Variants in HERC1 observed in about 807,000 individuals in gnomAD.
HERC1 encodes the protein probable E3 ubiquitin-protein ligase HERC1.
HERC1 carries 160 observed loss-of-function variants against 554.3 expected under a neutral mutation model. The ratio of observed to expected loss-of-function variants is 0.29; its 90% CI spans 0.25 to 0.33. The LOEUF is 0.33. HERC1 is among the 10% of genes least tolerant of loss of function. The pLI, the probability that HERC1 is intolerant of heterozygous loss-of-function variation, is 1.00. For synonymous variants in HERC1, 2,175 were observed against 2,131.7 expected, an observed-to-expected ratio of 1.02 and a Z score of -0.56; for missense variants, 4,919 against 5,918.5, an observed-to-expected ratio of 0.83 and a Z score of 5.54.
At chr15:63,696,026 T>A (rs2153056985) in intron 27 of HERC1, 98 bp downstream of exon 27, 4 of 891,064 alleles carry the variant, frequency 4.5e-6, no homozygotes, top group Middle Eastern at 3.4e-4. Context: ...GTCTTTGTAT[T>A]TTTAAACTGA....
Position 63,664,511 on chromosome 15 carries a change from T to A in HERC1, c.8639A>T (p.His2880Leu). ...TGTGCGAGCAGCTAAGTCAAACTTG[T>A]GTCTTCTTGTTACCGCTGAGCGACC... Reference protein sequence around the residue: ...ARGRSAVTRRHKFDLAARTLL... With the variant: ...ARGRSAVTRRLKFDLAARTLL... Residue 2880 changes from histidine to leucine, a missense_variant, in exon 43 of 78, where the codon CAC (histidine) becomes CTC (leucine). His to Leu is a moderately conservative substitution (Grantham distance 99). Transcript: ENST00000443617. 2 of 1,613,740 alleles carry A rather than the reference T, an allele frequency of 1.2e-6. No homozygotes were observed. The highest frequency in any genetic ancestry group is 1.1e-5 in the South Asian group (1 of 91,040).
At chr15:63,755,576 C>T (rs562189176) in intron 5 of HERC1, among the ~76,000 whole-genome samples, 1 of 152,010 alleles carries the variant, frequency 6.6e-6, no homozygotes, top group Admixed American at 6.6e-5. Flanking sequence ...CTCAGGAGTT[C>T]GAGTTCAGCC....
At position 63,795,065 on chromosome 15, in the gene HERC1, CAAAAAAAAAAAAA is replaced by C. The variant is rs1177647525; in HGVS notation, c.-26-19429_-26-19417del. Among the ~76,000 whole-genome samples, 4 of 68,970 alleles carry C rather than the reference CAAAAAAAAAAAAA, an allele frequency of 5.8e-5. No homozygotes were observed. The Admixed American group carries it at 7.8e-4, about 13-fold the overall frequency. The allele number at this position is 68,970 out of a possible 152,430, so 45.2% of individuals were successfully genotyped here. ...CGGGCAACAGAGCAAGACTCTGTCTCAAAAAAAAAAAAAAAAAAAAAAGTAAAGGAATAATCAT... is the reference window on the plus strand; with the variant it reads ...CGGGCAACAGAGCAAGACTCTGTCTCAAAAAAAAAGTAAAGGAATAATCAT... On this transcript the variant is annotated intron_variant, in intron 1 of 77. Coordinates refer to ENST00000443617, the MANE Select transcript of HERC1 (RefSeq NM_003922.4).
Position 63,821,726 on chromosome 15 carries a change from CAAAAAAAAAAA to C in HERC1, c.-27+12090_-27+12100del, listed in dbSNP as rs35074987. 1.3e-3 allele frequency among the ~76,000 whole-genome samples: 84 copies of C among 62,480 alleles called. No individual in the cohort carries two copies. The Admixed American group carries it at 0.016, about 12-fold the overall frequency. 41.0% of individuals were successfully genotyped at this position (62,480 alleles called of 152,430 possible). A position where few individuals can be genotyped will look rare whatever the true frequency, so the allele number is the denominator to read the frequency against. On this transcript the variant is annotated intron_variant, in intron 1 of 77. Transcript: ENST00000443617. The stretch of plus-strand genomic sequence containing the variant: ...TGGGAGACAGAGTGATACCCTGTCT[CAAAAAAAAAAA>C]AAAAAAAAAAAAATCAGATAATCTA...
At chr15:63,821,671 G>T (rs1290095134) in intron 1 of HERC1, among the ~76,000 whole-genome samples, 1 of 139,680 alleles carries the variant, frequency 7.2e-6, no homozygotes, top group Non-Finnish European at 1.5e-5. Flanking sequence ...AGGCTGTAAT[G>T]AGCCATGATC....
At position 63,694,212 on chromosome 15, in the gene HERC1, G is replaced by A. The variant is rs779139634; in HGVS notation, c.5481-55C>T. 2.6e-5 allele frequency: 41 copies of A among 1,564,108 alleles called. No individual in the cohort carries two copies. Among genetic ancestry groups the A allele is most frequent in the Non-Finnish European group, 3.6e-5 (41 of 1,153,920 alleles). On this transcript the variant is annotated intron_variant, in intron 29 of 77. Coordinates refer to ENST00000443617, the MANE Select transcript of HERC1 (RefSeq NM_003922.4). The surrounding 1 kb of genome is among the most constrained non-coding windows in gnomAD (Gnocchi z 4.3). ...GCAAACACACAGAAGGGCAAGCATA[G>A]TGCTTAAATACATAAAGCAGATTAG...
chr15:63,632,606 C>G, intron 68 of HERC1, 103 bp downstream of exon 68: 1 of 768,364 alleles, frequency 1.3e-6, no homozygotes, highest in Non-Finnish European at 2.3e-6. Flanking sequence ...TACTCACCAC[C>G]TAGAACAAAA....
Position 63,677,152 on chromosome 15 carries a change from A to G in HERC1, c.7070+693T>C, listed in dbSNP as rs940324110. On this transcript the variant is annotated intron_variant, in intron 37 of 77. Transcript: ENST00000443617. The surrounding 1 kb of genome is among the most constrained non-coding windows in gnomAD (Gnocchi z 4.4). The stretch of plus-strand genomic sequence containing the variant: ...TTTTTGAGCACCAACATGATGCTCA[A>G]TGGAAATATTCATTGGAGCACTTTG... 6.6e-6 allele frequency among the ~76,000 whole-genome samples: 1 copy of G among 152,212 alleles called. No individual in the cohort carries two copies. Among genetic ancestry groups the G allele is most frequent in the Admixed American group, 6.5e-5 (1 of 15,280 alleles).
Position 63,632,801 on chromosome 15 carries a change from A to T in HERC1, c.12704T>A (p.Val4235Asp). The change falls in exon 68 of 78, where the codon GTC becomes GAC. Residue 4235 changes from valine (V) to aspartate (D), a missense_variant. By Grantham distance (152) the Val-to-Asp change is radical (BLOSUM62 -3). Around this residue, in one of 11 missense-constraint regions of HERC1, gnomAD observed 410 missense variants for 467.0 expected, o/e 0.88. Transcript: ENST00000443617. ...TAKSSPQKID[V>D]LCGIGIKKVA... ...CTTTTTTATTCCAATTCCACAAAGG[A>T]CGTCAATTTTCTACAAAATAAAAGT... 6.4e-7 allele frequency: 1 copy of T among 1,560,192 alleles called. No homozygotes were observed. The highest frequency in any genetic ancestry group is 8.7e-7 in the Non-Finnish European group (1 of 1,150,282).
intron 77 of HERC1, 74 bp from the exon 78 acceptor site, chr15:63,609,340 T>C (rs2067489240): frequency 1.6e-6 from 2 of 1,282,724 alleles, no homozygotes; most frequent in South Asian, 3.2e-5. Flanking sequence ...GCCCATGACC[T>C]CTCCCTGCCT....
intron 51 of HERC1, among the ~76,000 whole-genome samples, chr15:63,652,997 T>C (rs1595897857): frequency 1.3e-5 from 2 of 152,226 alleles, no homozygotes; most frequent in South Asian, 2.1e-4. Context: ...GCTATACTTA[T>C]TTGAAGTATA....
rs2075413017 is a variant in HERC1, at chr15:63,756,098, G to C, written c.1533+339C>G. 6.6e-6 allele frequency among the ~76,000 whole-genome samples: 1 copy of C among 152,120 alleles called. No individual in the cohort carries two copies. The highest frequency in any genetic ancestry group is 2.4e-5 in the African/African-American group (1 of 41,416). On this transcript the variant is annotated intron_variant, in intron 5 of 77. Transcript: ENST00000443617. This position sits in a 1 kb window ranked among gnomAD's most constrained non-coding sequence, Gnocchi z 5.0. The stretch of plus-strand genomic sequence containing the variant: ...TCCTGAAGACTAAAGGATTAAAGTA[G>C]AGACCTTATCTGTCTTGTTCACTGC...
chr15:63,718,760 G>A lies in HERC1; in HGVS notation c.3857+23C>T, dbSNP rs746071314. ...ACATCATGAGAGCAAATATTTGTCT[G>A]AGGATAGTTTTAAGTTACTTGCCGG... On this transcript the variant is annotated intron_variant, in intron 20 of 77. Coordinates refer to ENST00000443617, the MANE Select transcript of HERC1 (RefSeq NM_003922.4). The surrounding 1 kb of genome is among the most constrained non-coding windows in gnomAD (Gnocchi z 4.2). The A allele has an allele frequency of 1.9e-6, 3 of 1,606,122 alleles. No homozygotes were observed. Among genetic ancestry groups the A allele is most frequent in the Non-Finnish European group, 2.6e-6 (3 of 1,174,126 alleles).
At chr15:63,693,568 T>C (rs2072244983) in intron 30 of HERC1, among the ~76,000 whole-genome samples, 1 of 152,044 alleles carries the variant, frequency 6.6e-6, no homozygotes, top group South Asian at 2.1e-4. Flanking sequence ...GGTCAGGACT[T>C]AGGTTAGAGA....
chr15:63,621,553 T>C (rs1423253841), intron 74 of HERC1, among the ~76,000 whole-genome samples: 13 of 152,220 alleles, frequency 8.5e-5, no homozygotes, highest in Admixed American at 6.5e-5. Context: ...CTTGTTAGAC[T>C]GGGGAAGTTC....
At chr15:63,628,595 G>A in intron 70 of HERC1, 82 bp downstream of exon 70, 1 of 1,395,302 alleles carries the variant, frequency 7.2e-7, no homozygotes, top group Non-Finnish European at 9.6e-7. Flanking sequence ...GCTGGATACA[G>A]TTGGGAACTG....
chr15:63,630,764 T>C, intron 68 of HERC1, 129 bp from the exon 69 acceptor site: 2 of 828,328 alleles, frequency 2.4e-6, no homozygotes, highest in Non-Finnish European at 3.6e-6. Flanking sequence ...CAACTGAGGC[T>C]AAAGCTGCTA....
intron 51 of HERC1, 25 bp from the exon 52 acceptor site, chr15:63,652,566 TA>T: frequency 6.6e-7 from 1 of 1,524,252 alleles, no homozygotes; most frequent in Non-Finnish European, 8.9e-7. Flanking sequence ...ACAGGTAGTC[TA>T]ATAATTTTCT....
At chr15:63,618,559 TG>T (rs1363933482) in intron 74 of HERC1, among the ~76,000 whole-genome samples, 1 of 152,010 alleles carries the variant, frequency 6.6e-6, no homozygotes, top group Admixed American at 6.6e-5. Flanking sequence ...GGTAGCTTGA[TG>T]GGGATGGCAT....
Sources: gnomAD v4.1 joint callset for allele counts (sites outside exome capture counted in the v4.1 genomes callset) on GRCh38, gnomAD v4.1.1 for gene constraint, gnomAD v4.1.1 regional missense constraint, Gnocchi (gnomAD v3.1) non-coding constraint, MANE v1.5 for transcripts, NCBI Gene and HGNC (gene_info 2026-07-23, HGNC 2026-07-21) for gene names.